ARHGAP6: variants seen among roughly 807,000 people sequenced by gnomAD.
ARHGAP6 encodes the protein Rho GTPase activating protein 6.
Under a neutral mutation model 55.7 loss-of-function variants are expected in ARHGAP6, and 16 were observed. The observed-to-expected ratio is 0.29, with a 90% CI of 0.19 to 0.44. ARHGAP6 has a LOEUF of 0.44. Among genes scored for constraint, ARHGAP6 ranks in the 20% least tolerant of loss-of-function variants. The probability of loss-of-function intolerance (pLI) is 1.00; values close to 1 mark genes in which losing one functional copy is unlikely to be tolerated. For synonymous variants in ARHGAP6, 382 were observed against 360.9 expected (o/e 1.06, Z -0.66); for missense variants, 698 against 808.9 (o/e 0.86, Z 1.66).
chrX:11,207,194 T>C (rs1179458359), intron 2 of ARHGAP6, among the ~76,000 whole-genome samples: 1 of 99,165 alleles, frequency 1.0e-5, no homozygotes, highest in Non-Finnish European at 2.1e-5. Flanking sequence ...CATTTTTTTC[T>C]TCTTCTTTTT....
At chrX:11,353,467 A>T (rs2147674663) in intron 1 of ARHGAP6, among the ~76,000 whole-genome samples, 1 of 111,065 alleles carries the variant, frequency 9.0e-6, no homozygotes, top group East Asian at 2.8e-4. Context: ...GCCAGTGCTT[A>T]GAAGTCTTTA....
chrX:11,273,484 A>C (rs2047716674), intron 1 of ARHGAP6, among the ~76,000 whole-genome samples: 1 of 110,241 alleles, frequency 9.1e-6, no homozygotes, highest in Non-Finnish European at 1.9e-5. Flanking sequence ...ATGATGTCCA[A>C]TGTTCAAGTA....
intron 1 of ARHGAP6, among the ~76,000 whole-genome samples, chrX:11,369,031 C>T (rs1188214497): frequency 1.8e-5 from 2 of 111,473 alleles, no homozygotes; most frequent in African/African-American, 6.5e-5. Context: ...GATCTTTTCC[C>T]TTTCAAAAGT....
chrX:11,410,379 A>G (rs1383602008), intron 1 of ARHGAP6, among the ~76,000 whole-genome samples: 2 of 112,672 alleles, frequency 1.8e-5, no homozygotes, highest in African/African-American at 6.4e-5. Context: ...ACAAAGGACC[A>G]CGTATTGTAT....
At chrX:11,298,320 A>G in intron 1 of ARHGAP6, 3 of 1,166,948 alleles carry the variant, frequency 2.6e-6, no homozygotes, top group South Asian at 3.6e-5. Context: ...AATATTAGGC[A>G]TGCATTAAAA....
rs1438353788 is a variant in ARHGAP6 at position 11,665,763 on chromosome X, G to A, written c.-935C>T. 2 of 113,383 alleles carry A rather than the reference G, an allele frequency of 1.8e-5. No individual in the cohort carries two copies. Among genetic ancestry groups the A allele is most frequent in the African/African-American group, 6.4e-5 (2 of 31,180 alleles). 9.3% of individuals were successfully genotyped at this position (113,383 alleles called of 1,213,427 possible). ...CTCGCTCTAGAGGCAGCGGGAAGGGGGCGGCCAGGACGTGTAGAGCTGGAG... is the reference window on the plus strand; with the variant it reads ...CTCGCTCTAGAGGCAGCGGGAAGGGAGCGGCCAGGACGTGTAGAGCTGGAG... On this transcript the variant is annotated 5_prime_UTR_variant, in exon 1 of 13. Coordinates refer to ENST00000337414, the MANE Select transcript of ARHGAP6 (RefSeq NM_013427.3).
At chrX:11,285,569 G>A (rs1180722284) in intron 1 of ARHGAP6, among the ~76,000 whole-genome samples, 1 of 112,029 alleles carries the variant, frequency 8.9e-6, no homozygotes, top group East Asian at 2.8e-4. Context: ...AGGGCATCAA[G>A]TCCTAGAGGG....
chrX:11,458,473 G>T (rs923125917), intron 1 of ARHGAP6, among the ~76,000 whole-genome samples: 1 of 112,063 alleles, frequency 8.9e-6, no homozygotes, highest in African/African-American at 3.2e-5. Flanking sequence ...CCACCCTAGG[G>T]TTCCTCCAAG....
chrX:11,556,007 G>A (rs904861286), intron 1 of ARHGAP6, among the ~76,000 whole-genome samples: 2 of 111,118 alleles, frequency 1.8e-5, no homozygotes, highest in Admixed American at 9.6e-5. Flanking sequence ...GGCATGCTCT[G>A]TGTCAGGTTT....
intron 1 of ARHGAP6, among the ~76,000 whole-genome samples, chrX:11,352,723 C>T (rs1443859486): frequency 9.0e-6 from 1 of 111,233 alleles, no homozygotes; most frequent in Non-Finnish European, 1.9e-5. Context: ...TAATCATCCC[C>T]AAGGATAAAA....
At chrX:11,642,419 G>A (rs759757771) in intron 1 of ARHGAP6, among the ~76,000 whole-genome samples, 1 of 111,971 alleles carries the variant, frequency 8.9e-6, no homozygotes, top group East Asian at 2.8e-4. Flanking sequence ...AATGGACTCA[G>A]AAATTCCAAT....
chrX:11,227,074 C>A (rs186137939), intron 2 of ARHGAP6, among the ~76,000 whole-genome samples: 16 of 111,941 alleles, frequency 1.4e-4, no homozygotes, highest in African/African-American at 5.2e-4. Context: ...TGTGAAAAGA[C>A]ATGCTCATAT....
chrX:11,423,967 A>G (rs1346924536), intron 1 of ARHGAP6, among the ~76,000 whole-genome samples: 3 of 112,597 alleles, frequency 2.7e-5, no homozygotes, highest in Admixed American at 9.4e-5. Context: ...AGACATAAAG[A>G]TATTGCATTG....
intron 1 of ARHGAP6, among the ~76,000 whole-genome samples, chrX:11,562,642 C>CAA (rs372555472): frequency 2.0e-5 from 2 of 100,903 alleles, no homozygotes; most frequent in Non-Finnish European, 4.1e-5. Flanking sequence ...TGATTCCCAT[C>CAA]AAAAAAAAAA....
At chrX:11,362,301 T>C (rs1465391543) in intron 1 of ARHGAP6, among the ~76,000 whole-genome samples, 1 of 111,471 alleles carries the variant, frequency 9.0e-6, no homozygotes, top group African/African-American at 3.3e-5. Context: ...GTGGCACATA[T>C]ACACCATGGA....
chrX:11,545,857 G>T (rs1294221473), intron 1 of ARHGAP6, among the ~76,000 whole-genome samples: 2 of 111,489 alleles, frequency 1.8e-5, no homozygotes, highest in Admixed American at 9.6e-5. Context: ...AAAGTGAACT[G>T]CAACAAAATA....
intron 1 of ARHGAP6, among the ~76,000 whole-genome samples, chrX:11,506,738 C>T (rs993097778): frequency 9.0e-6 from 1 of 111,410 alleles, no homozygotes; most frequent in Non-Finnish European, 1.9e-5. Context: ...GATTTATAAT[C>T]CTTTGGGTAT....
chrX:11,194,663 T>A (rs1569250310), intron 3 of ARHGAP6, among the ~76,000 whole-genome samples: 1 of 112,293 alleles, frequency 8.9e-6, no homozygotes, highest in Non-Finnish European at 1.9e-5. Flanking sequence ...GGACAGCCCC[T>A]ACCCCAGATA....
chrX:11,544,918 A>G (rs1005197766), intron 1 of ARHGAP6, among the ~76,000 whole-genome samples: 3 of 112,703 alleles, frequency 2.7e-5, no homozygotes, highest in East Asian at 5.5e-4. Context: ...ACAAACAAAC[A>G]AAACCTTTGA....
Sources: gnomAD v4.1 joint callset for allele counts (sites outside exome capture counted in the v4.1 genomes callset) on GRCh38, gnomAD v4.1.1 for gene constraint, MANE v1.5 for transcripts, NCBI Gene and HGNC (gene_info 2026-07-23, HGNC 2026-07-21) for gene names.